Variants in AKAP6 observed in about 807,000 individuals in gnomAD.
AKAP6 encodes A-kinase anchoring protein 6.
In AKAP6, 58 loss-of-function variants were observed where a neutral mutation model predicts 188.5. The observed-to-expected ratio is 0.31, with a 90% CI of 0.25 to 0.38. The LOEUF is 0.38. AKAP6 is among the 10% of genes least tolerant of loss of function. The probability of loss-of-function intolerance (pLI) is 1.00; values close to 1 mark genes in which losing one functional copy is unlikely to be tolerated. For missense variants in AKAP6, 2,710 were observed against 2,740.0 expected (o/e 0.99, Z 0.24); for synonymous variants, 989 against 998.6 (o/e 0.99, Z 0.18).
intron 2 of AKAP6, among the ~76,000 whole-genome samples, chr14:32,466,616 C>A (rs1450023962): frequency 6.6e-6 from 1 of 151,346 alleles, no homozygotes; most frequent in Non-Finnish European, 1.5e-5. Context: ...AGGACCAATA[C>A]CTAATGCATG....
intron 9 of AKAP6, among the ~76,000 whole-genome samples, chr14:32,715,458 A>T (rs1288662381): frequency 6.6e-6 from 1 of 152,054 alleles, no homozygotes; most frequent in Non-Finnish European, 1.5e-5. Flanking sequence ...AAACGAAAAA[A>T]CATGAAATAA....
intron 4 of AKAP6, among the ~76,000 whole-genome samples, chr14:32,548,808 A>G (rs1044623820): frequency 4.6e-5 from 7 of 152,204 alleles, no homozygotes; most frequent in African/African-American, 1.2e-4. Flanking sequence ...CCGGGAAACT[A>G]TAAGATAGGA....
At chr14:32,658,642 G>T (rs1278001742) in intron 7 of AKAP6, among the ~76,000 whole-genome samples, 16 of 151,596 alleles carry the variant, frequency 1.1e-4, no homozygotes, top group Non-Finnish European at 1.5e-5. Context: ...CTCAATTAAG[G>T]CTGAAACTTT....
At chr14:32,358,381 CA>C (rs1566462412) in intron 1 of AKAP6, among the ~76,000 whole-genome samples, 1 of 152,112 alleles carries the variant, frequency 6.6e-6, no homozygotes, top group African/African-American at 2.4e-5. Flanking sequence ...CACACAAAAC[CA>C]AAAAACTGTT....
intron 8 of AKAP6, among the ~76,000 whole-genome samples, chr14:32,681,299 T>C (rs192852762): frequency 1.2e-4 from 18 of 152,342 alleles, no homozygotes; most frequent in Admixed American, 9.8e-4. Context: ...TCATTCTTGA[T>C]GTCAGAACTC....
At chr14:32,417,630 A>C (rs182283134) in intron 1 of AKAP6, among the ~76,000 whole-genome samples, 3 of 152,310 alleles carry the variant, frequency 2.0e-5, no homozygotes. Flanking sequence ...AATACCTTTT[A>C]TTCTGCTTAA....
chr14:32,795,850 G>C (rs1455056684), intron 12 of AKAP6, among the ~76,000 whole-genome samples: 7 of 152,150 alleles, frequency 4.6e-5, no homozygotes, highest in Admixed American at 4.6e-4. Flanking sequence ...AATCATCTTT[G>C]TTTGCAGATG....
Position 32,823,561 on chromosome 14 carries a change from A to G in AKAP6, c.5748A>G (p.Val1916=). 1.2e-6 allele frequency: 2 copies of G among 1,613,956 alleles called. No individual in the cohort carries two copies. Among genetic ancestry groups the G allele is most frequent in the South Asian group, 1.1e-5 (1 of 91,084 alleles). Residue 1916 remains valine, a synonymous_variant, in exon 13 of 14, where the codon GTA becomes GTG. Transcript: ENST00000280979. ...QKGKPNVTSK[V]SENLGSHGKE... ...GAAAACCGAATGTGACTTCAAAGGT[A>G]TCAGAAAATCTTGGTTCACATGGGA... is the stretch of plus-strand genomic sequence containing the variant.
chr14:32,436,807 G>A (rs1313998656), intron 2 of AKAP6, among the ~76,000 whole-genome samples: 1 of 152,070 alleles, frequency 6.6e-6, no homozygotes, highest in African/African-American at 2.4e-5. Context: ...ATGGTGGTGT[G>A]CACCTGTAAT....
At chr14:32,739,360 C>T (rs993840188) in intron 11 of AKAP6, among the ~76,000 whole-genome samples, 1 of 152,106 alleles carries the variant, frequency 6.6e-6, no homozygotes, top group South Asian at 2.1e-4. Flanking sequence ...AGTATTTACC[C>T]TCTATGTTAC....
rs561619901 is a variant in AKAP6, at chr14:32,673,690, G to T, written c.2731-4621G>T. On this transcript the variant is annotated intron_variant, in intron 7 of 13. Coordinates refer to ENST00000280979, the MANE Select transcript of AKAP6 (RefSeq NM_004274.5). ...GTGGAGGTTGCAGTGAGCCACGATT[G>T]TGTCACTGCACTCCAGCTTGGGCAG... Among the ~76,000 whole-genome samples, 7 of 152,260 alleles carry T rather than the reference G, an allele frequency of 4.6e-5. No individual in the cohort carries two copies. The South Asian group carries it at 1.5e-3, about 32-fold the overall frequency.
At chr14:32,583,411 C>T (rs1042339366) in intron 5 of AKAP6, among the ~76,000 whole-genome samples, 2 of 152,220 alleles carry the variant, frequency 1.3e-5, no homozygotes, top group African/African-American at 2.4e-5. Context: ...TGGGGGGTGC[C>T]TCCCAGTTAG....
intron 5 of AKAP6, among the ~76,000 whole-genome samples, chr14:32,592,358 G>A (rs1885520602): frequency 6.6e-6 from 1 of 152,172 alleles, no homozygotes. Flanking sequence ...TACTATGGGT[G>A]CCAAGGGTGG....
At chr14:32,828,701 G>A (rs79308349) in intron 13 of AKAP6, among the ~76,000 whole-genome samples, 1,687 of 152,238 alleles carry the variant, frequency 0.011, 32 homozygotes, top group African/African-American at 0.038. Flanking sequence ...GCCTCACCTA[G>A]GGAATCCCTA....
At chr14:32,467,230 A>G (rs1878516580) in intron 2 of AKAP6, among the ~76,000 whole-genome samples, 1 of 151,950 alleles carries the variant, frequency 6.6e-6, no homozygotes, top group Admixed American at 6.6e-5. Flanking sequence ...AACAAAAACA[A>G]AAAGAAGAGT....
At chr14:32,717,971 G>A (rs956636857) in intron 9 of AKAP6, among the ~76,000 whole-genome samples, 27 of 151,986 alleles carry the variant, frequency 1.8e-4, no homozygotes, top group African/African-American at 6.5e-4. Context: ...AGTATGTGTT[G>A]GCCACTCCAT....
At chr14:32,720,727 C>G (rs1256763921) in intron 9 of AKAP6, among the ~76,000 whole-genome samples, 1 of 151,984 alleles carries the variant, frequency 6.6e-6, no homozygotes, top group Non-Finnish European at 1.5e-5. Flanking sequence ...ACCTGTAGTC[C>G]CAGCTACGTA....
chr14:32,587,075 A>G (rs1257242388), intron 5 of AKAP6, among the ~76,000 whole-genome samples: 2 of 152,178 alleles, frequency 1.3e-5, no homozygotes, highest in African/African-American at 2.4e-5. Context: ...TGTCCCTCTG[A>G]TAGTTACAGA....
intron 2 of AKAP6, among the ~76,000 whole-genome samples, chr14:32,473,463 C>T (rs752703825): frequency 9.9e-5 from 15 of 152,092 alleles, no homozygotes; most frequent in Non-Finnish European, 2.1e-4. Context: ...ATTAGAAAAG[C>T]CAGAAAATAT....
Sources: gnomAD v4.1 joint callset for allele counts (sites outside exome capture counted in the v4.1 genomes callset) on GRCh38, gnomAD v4.1.1 for gene constraint, MANE v1.5 for transcripts, NCBI Gene and HGNC (gene_info 2026-07-23, HGNC 2026-07-21) for gene names.